The following UBE2V2 variants were observed in gnomAD, a reference collection of about 807,000 sequenced individuals.
UBE2V2 encodes the protein ubiquitin-conjugating enzyme E2 variant 2.
In UBE2V2, 9 loss-of-function variants were observed where a neutral mutation model predicts 17.2. The ratio of observed to expected loss-of-function variants is 0.52; its 90% CI spans 0.32 to 0.91. The LOEUF is 0.91. Among genes scored for constraint, UBE2V2 ranks in the 40% least tolerant of loss-of-function variants. UBE2V2 has a pLI of 0.04. For missense variants in UBE2V2, 133 were observed against 182.6 expected (o/e 0.73, Z 1.56); for synonymous variants, 61 against 57.5 (o/e 1.06, Z -0.28).
upstream of UBE2V2, among the ~76,000 whole-genome samples, chr8:48,008,180 C>T (rs1299701602): frequency 2.6e-5 from 4 of 152,194 alleles, no homozygotes; most frequent in Non-Finnish European, 4.4e-5. Flanking sequence ...CCTCGGCCTC[C>T]CAAAGTGCTG....
Position 48,060,715 on chromosome 8 carries a change from T to C in UBE2V2, c.325T>C (p.Trp109Arg). ...CCGGAGCATACCAGTGTTAGCAAAA[T>C]GGCAAAATTCATATAGCATTAAAGT... ...DARSIPVLAKWQNSYSIKVVL... is the reference protein window; with the variant it reads ...DARSIPVLAKRQNSYSIKVVL... The change falls in exon 4 of 4, where the codon TGG becomes CGG. Residue 109 changes from tryptophan (W) to arginine (R), a missense_variant. This residue lies in a region of UBE2V2 where 92 missense variants were observed against 124.3 expected (regional missense o/e 0.74). Transcript: ENST00000523111. 1 of 1,525,458 alleles carries C rather than the reference T, an allele frequency of 6.6e-7. No individual in the cohort carries two copies. The highest frequency in any genetic ancestry group is 8.8e-7 in the Non-Finnish European group (1 of 1,138,232). The allele number at this position is 1,525,458 out of a possible 1,614,324, so 94.5% of individuals were successfully genotyped here.
intron 1 of UBE2V2, among the ~76,000 whole-genome samples, chr8:48,035,948 C>CT (rs780718248): frequency 0.013 from 1,555 of 121,658 alleles, 19 homozygotes; most frequent in East Asian, 0.043. Context: ...CCTTGCCTTT[C>CT]TTTTTTTTTT....
intron 1 of UBE2V2, among the ~76,000 whole-genome samples, chr8:48,040,296 A>G (rs1475067071): frequency 6.6e-6 from 1 of 152,140 alleles, no homozygotes; most frequent in African/African-American, 2.4e-5. Flanking sequence ...TTTTCTTACA[A>G]TAGAATTATC....
chr8:48,012,816 T>C (rs985365402), intron 1 of UBE2V2, among the ~76,000 whole-genome samples: 1 of 152,170 alleles, frequency 6.6e-6, no homozygotes, highest in East Asian at 1.9e-4. Context: ...AAAGTTTCCA[T>C]GCACCTCACA....
At chr8:48,033,641 A>G (rs892272903) in intron 1 of UBE2V2, among the ~76,000 whole-genome samples, 3 of 152,044 alleles carry the variant, frequency 2.0e-5, no homozygotes, top group Admixed American at 6.6e-5. Flanking sequence ...AAGAGCAAAA[A>G]TCCTGACTAT....
intron 1 of UBE2V2, among the ~76,000 whole-genome samples, chr8:48,024,719 A>G (rs937269179): frequency 2.0e-5 from 3 of 152,120 alleles, no homozygotes; most frequent in Non-Finnish European, 4.4e-5. Context: ...GCTGTTAAGG[A>G]TCAAGACAAA....
chr8:48,027,805 C>T (rs568888406), intron 1 of UBE2V2, among the ~76,000 whole-genome samples: 2 of 152,208 alleles, frequency 1.3e-5, no homozygotes, highest in East Asian at 3.9e-4. Flanking sequence ...TGGCCCTTTA[C>T]TGGCTATTTA....
At chr8:48,020,315 G>T (rs1190501750) in intron 1 of UBE2V2, among the ~76,000 whole-genome samples, 3 of 151,948 alleles carry the variant, frequency 2.0e-5, no homozygotes, top group Non-Finnish European at 4.4e-5. Flanking sequence ...GGGATTATAG[G>T]GTCTTGTTCT....
intron 2 of UBE2V2, among the ~76,000 whole-genome samples, chr8:48,046,745 C>T (rs934378282): frequency 6.6e-6 from 1 of 152,014 alleles, no homozygotes; most frequent in Non-Finnish European, 1.5e-5. Context: ...TATAGGGGTA[C>T]ACCACCATAC....
At chr8:48,049,598 G>T in intron 2 of UBE2V2, 1 of 261,622 alleles carries the variant, frequency 3.8e-6, no homozygotes, top group Non-Finnish European at 7.2e-6. Context: ...GGATCATATT[G>T]ATAATACTTT....
chr8:47,997,483 A>G, the UBE2V2 span, among the ~76,000 whole-genome samples: 2 of 152,028 alleles, frequency 1.3e-5, no homozygotes, highest in African/African-American at 4.8e-5. Context: ...CTGGGCTGCA[A>G]GTCACATTGT....
chr8:48,030,173 CATTATATTT>C (rs1236428760), intron 1 of UBE2V2, among the ~76,000 whole-genome samples: 1 of 152,122 alleles, frequency 6.6e-6, no homozygotes, highest in Non-Finnish European at 1.5e-5. Context: ...TAACTTACTG[CATTATATTT>C]GGATGTATTC....
chr8:47,998,342 G>T, the UBE2V2 span, among the ~76,000 whole-genome samples: 12 of 152,034 alleles, frequency 7.9e-5, no homozygotes, highest in African/African-American at 2.4e-4. Flanking sequence ...AGAGACTGCC[G>T]GTGACAAGGA....
chr8:48,023,251 C>T (rs45465191), intron 1 of UBE2V2, among the ~76,000 whole-genome samples: 4 of 150,230 alleles, frequency 2.7e-5, no homozygotes, highest in African/African-American at 4.9e-5. Context: ...GAGTATTGCT[C>T]TATCGCCAGG....
At chr8:48,021,187 C>T (rs1413791962) in intron 1 of UBE2V2, among the ~76,000 whole-genome samples, 3 of 151,526 alleles carry the variant, frequency 2.0e-5, no homozygotes, top group South Asian at 2.1e-4. Context: ...AAGCAATTCT[C>T]CTGTCTCAGC....
chr8:48,010,860 G>A (rs2091224791), intron 1 of UBE2V2, among the ~76,000 whole-genome samples: 2 of 150,170 alleles, frequency 1.3e-5, no homozygotes, highest in Non-Finnish European at 3.0e-5. Context: ...ACCACGCCCA[G>A]CAAATTTTTT....
chr8:48,055,517 A>G (rs2091566429), intron 3 of UBE2V2, among the ~76,000 whole-genome samples: 1 of 152,022 alleles, frequency 6.6e-6, no homozygotes, highest in Admixed American at 6.6e-5. Flanking sequence ...TCTAAAATAA[A>G]TATCACTCTA....
rs913377554 is a variant in UBE2V2, at chr8:48,042,442, G to A, written c.17-591G>A. The A allele has an allele frequency of 2.6e-5, 4 of 152,148 alleles. No homozygotes were observed. The South Asian group carries it at 6.2e-4, about 24-fold the overall frequency. 9.4% of individuals were successfully genotyped at this position (152,148 alleles called of 1,614,324 possible). ...TTTGCACCATTATTTGAACTTTGAT[G>A]TGTGAATTTGCTTTAGAAGTCCATG... On this transcript the variant is annotated intron_variant, in intron 1 of 3. Coordinates refer to ENST00000523111, the MANE Select transcript of UBE2V2 (RefSeq NM_003350.3).
At chr8:48,002,168 T>A in the UBE2V2 span, among the ~76,000 whole-genome samples, 20 of 151,956 alleles carry the variant, frequency 1.3e-4, 1 homozygote, top group Non-Finnish European at 1.5e-5. Context: ...TAATTAAAGG[T>A]CGTACCTCTT....
Sources: gnomAD v4.1 joint callset for allele counts (sites outside exome capture counted in the v4.1 genomes callset) on GRCh38, gnomAD v4.1.1 for gene constraint, gnomAD v4.1.1 regional missense constraint, MANE v1.5 for transcripts, NCBI Gene and HGNC (gene_info 2026-07-23, HGNC 2026-07-21) for gene names.